The following UNC5C variants were observed in gnomAD, a reference collection of about 807,000 sequenced individuals.
UNC5C encodes the protein netrin receptor UNC5C.
UNC5C carries 47 observed loss-of-function variants against 99.8 expected under a neutral mutation model. The observed-to-expected ratio is 0.47, with a 90% CI of 0.37 to 0.60. The LOEUF (loss-of-function observed/expected upper bound fraction) is 0.60. Ranked by LOEUF, UNC5C falls within the 20% of genes least tolerant of loss-of-function variation. UNC5C has a pLI of 0.00. For synonymous variants in UNC5C, 487 were observed against 452.2 expected, an observed-to-expected ratio of 1.08 and a Z score of -0.98; for missense variants, 1,062 against 1,165.9, an observed-to-expected ratio of 0.91 and a Z score of 1.30.
rs111485277 is a variant in UNC5C at position 95,426,674 on chromosome 4, T to C, written c.125-91043A>G. 6.4e-3 allele frequency among the ~76,000 whole-genome samples: 976 copies of C among 152,314 alleles called. 9 individuals are homozygous for C. Among genetic ancestry groups the C allele is most frequent in the African/African-American group, 0.022 (931 of 41,580 alleles). On this transcript the variant is annotated intron_variant, in intron 1 of 15. Coordinates refer to ENST00000453304, the MANE Select transcript of UNC5C (RefSeq NM_003728.4). ...AAAAGAAAGTGAAACAGCCTCATTG[T>C]TGATACACAGAACGTTTTAGTGGTC...
intron 1 of UNC5C, among the ~76,000 whole-genome samples, chr4:95,473,930 T>G (rs757318240): frequency 3.3e-5 from 5 of 152,068 alleles, no homozygotes; most frequent in Non-Finnish European, 5.9e-5. Flanking sequence ...CTGAGATAGA[T>G]CACAGGGCCT....
chr4:95,170,096 A>G, intron 15 of UNC5C, 58 bp downstream of exon 15: 14 of 1,564,590 alleles, frequency 8.9e-6, no homozygotes, highest in Non-Finnish European at 1.2e-5. Context: ...TCTAATAGTT[A>G]TCGGTCCTGG....
At chr4:95,514,142 C>A (rs765514691) in intron 1 of UNC5C, among the ~76,000 whole-genome samples, 5 of 152,200 alleles carry the variant, frequency 3.3e-5, no homozygotes, top group Middle Eastern at 3.4e-3. Flanking sequence ...TTCCACAGAA[C>A]ATGTTCATAC....
intron 10 of UNC5C, among the ~76,000 whole-genome samples, chr4:95,211,896 T>C (rs1388351426): frequency 6.6e-6 from 1 of 152,212 alleles, no homozygotes; most frequent in East Asian, 1.9e-4. Flanking sequence ...AAGATTTCAA[T>C]ATACCTGGAC....
intron 1 of UNC5C, among the ~76,000 whole-genome samples, chr4:95,340,422 A>G (rs1446693261): frequency 6.6e-6 from 1 of 152,150 alleles, no homozygotes; most frequent in Non-Finnish European, 1.5e-5. Flanking sequence ...CTACCCATCC[A>G]TCAGAGAGAT....
chr4:95,208,728 A>C (rs1185622224), intron 10 of UNC5C, among the ~76,000 whole-genome samples: 1 of 152,194 alleles, frequency 6.6e-6, no homozygotes, highest in Non-Finnish European at 1.5e-5. Flanking sequence ...AAACCCATTA[A>C]AATGGACATT....
chr4:95,393,946 T>C (rs1404311799), intron 1 of UNC5C, among the ~76,000 whole-genome samples: 2 of 151,900 alleles, frequency 1.3e-5, no homozygotes, highest in South Asian at 2.1e-4. Flanking sequence ...ATTAAAGTCA[T>C]GATAATGACA....
At chr4:95,209,694 A>G (rs1738010655) in intron 10 of UNC5C, among the ~76,000 whole-genome samples, 1 of 152,128 alleles carries the variant, frequency 6.6e-6, no homozygotes, top group African/African-American at 2.4e-5. Context: ...ATTTTCTCTT[A>G]ACCCAATTTG....
At chr4:95,270,713 C>A (rs992332826) in intron 4 of UNC5C, among the ~76,000 whole-genome samples, 23 of 152,018 alleles carry the variant, frequency 1.5e-4, no homozygotes, top group African/African-American at 4.8e-4. Context: ...CAACAACAAC[C>A]AAATAAAATA....
chr4:95,535,368 T>A (rs13133704), intron 1 of UNC5C, among the ~76,000 whole-genome samples: 6 of 152,330 alleles, frequency 3.9e-5, no homozygotes, highest in African/African-American at 1.4e-4. Context: ...TGCAATTTTG[T>A]CATTCTTATA....
chr4:95,204,637 G>T (rs887174195), intron 11 of UNC5C, among the ~76,000 whole-genome samples: 2 of 152,234 alleles, frequency 1.3e-5, no homozygotes. Flanking sequence ...CCACGCGTGA[G>T]CATGAGTCAG....
At chr4:95,392,489 T>C (rs77576024) in intron 1 of UNC5C, among the ~76,000 whole-genome samples, 2,251 of 151,392 alleles carry the variant, frequency 0.015, 63 homozygotes, top group African/African-American at 0.051. Flanking sequence ...CAGAGTGCAA[T>C]GCACAGGATC....
chr4:95,222,377 T>C (rs1333585419), intron 7 of UNC5C: 2 of 622,210 alleles, frequency 3.2e-6, no homozygotes, highest in East Asian at 3.1e-5. Flanking sequence ...AAACCTGTGG[T>C]CTTTTAAAAT....
chr4:95,509,906 TG>T (rs1722023672), intron 1 of UNC5C, among the ~76,000 whole-genome samples: 1 of 151,760 alleles, frequency 6.6e-6, no homozygotes, highest in African/African-American at 2.4e-5. Flanking sequence ...AAAAGAAGAG[TG>T]CGTTTGCGTT....
At chr4:95,292,520 A>G (rs1185558984) in intron 3 of UNC5C, among the ~76,000 whole-genome samples, 1 of 152,104 alleles carries the variant, frequency 6.6e-6, no homozygotes, top group African/African-American at 2.4e-5. Context: ...TGAATTAATC[A>G]GTGAAAAAAC....
chr4:95,418,440 T>C (rs1026839299), intron 1 of UNC5C, among the ~76,000 whole-genome samples: 7 of 152,180 alleles, frequency 4.6e-5, no homozygotes, highest in African/African-American at 1.7e-4. Context: ...TAAATGTGGT[T>C]AGGAATTTTA....
intron 1 of UNC5C, among the ~76,000 whole-genome samples, chr4:95,428,467 A>G (rs555071631): frequency 6.6e-6 from 1 of 152,314 alleles, no homozygotes; most frequent in Middle Eastern, 3.4e-3. Flanking sequence ...AAATAAGATT[A>G]TGCAATTATC....
At position 95,176,851 on chromosome 4, in the gene UNC5C, C is replaced by T. The variant is rs557882496; in HGVS notation, c.2451+6046G>A. ...GGCCCCTCCCCCAGCCTCGCTGCCG[C>T]CTTGCAGTTTGATCTCAGACTGCTG... On this transcript the variant is annotated intron_variant, in intron 14 of 15. Transcript: ENST00000453304. 3.3e-5 allele frequency among the ~76,000 whole-genome samples: 5 copies of T among 152,348 alleles called. No individual in the cohort carries two copies. The South Asian group carries it at 8.3e-4, about 25-fold the overall frequency.
chr4:95,403,861 G>A (rs1477243524), intron 1 of UNC5C, among the ~76,000 whole-genome samples: 1 of 152,190 alleles, frequency 6.6e-6, no homozygotes, highest in Admixed American at 6.5e-5. Context: ...TATTTCCGAA[G>A]AGGCCAGTGT....
Sources: allele counts gnomAD v4.1 joint callset (sites outside exome capture counted in the v4.1 genomes callset), GRCh38; gene constraint gnomAD v4.1.1; transcripts MANE v1.5; gene names NCBI Gene and HGNC (gene_info 2026-07-23, HGNC 2026-07-21).